Variants in PMVK observed in about 807,000 individuals in gnomAD.
PMVK encodes the protein testis tissue sperm-binding protein Li 95mP.
A neutral mutation model predicts 19.0 loss-of-function variants in PMVK; 10 were observed. That is an observed-to-expected ratio of 0.53 (90% CI 0.32 to 0.89). The LOEUF (loss-of-function observed/expected upper bound fraction) is 0.89. Among genes scored for constraint, PMVK ranks in the 40% least tolerant of loss-of-function variants. The probability of loss-of-function intolerance (pLI) is 0.03; values close to 1 mark genes in which losing one functional copy is unlikely to be tolerated. For synonymous variants in PMVK, 108 were observed against 101.6 expected, an observed-to-expected ratio of 1.06 and a Z score of -0.38; for missense variants, 222 against 251.1, an observed-to-expected ratio of 0.88 and a Z score of 0.78.
At chr1:154,940,452 A>C (rs1368410497), upstream of PMVK, among the ~76,000 whole-genome samples, 1 of 152,046 alleles carries the variant, frequency 6.6e-6, no homozygotes, top group East Asian at 1.9e-4. Flanking sequence ...CACCCCTCCC[A>C]TTTCCTACAG....
chr1:154,936,273 G>T, intron 1 of PMVK: 1 of 465,822 alleles, frequency 2.1e-6, no homozygotes, highest in Non-Finnish European at 2.8e-6. Flanking sequence ...GTAGAGGCGG[G>T]GTCTCGCCAT....
At position 154,925,080 on chromosome 1, in the gene PMVK, G is replaced by GCCCCCCCCCCCCCCCCCCC; in HGVS notation, c.*48_*49insGGGGGGGGGGGGGGGGGGG. On this transcript the variant is annotated 3_prime_UTR_variant, in exon 5 of 5. Transcript: ENST00000368467. Reference sequence around the variant, plus strand: ...GGGACACCCCCATTTTGCAGAGTCAGCCCCACCCCCACCTCAGCAGGCCCC... The same window carrying GCCCCCCCCCCCCCCCCCCC: ...GGGACACCCCCATTTTGCAGAGTCAGCCCCCCCCCCCCCCCCCCCCCCCACCCCCACCTCAGCAGGCCCC... 2 of 1,459,212 alleles carry GCCCCCCCCCCCCCCCCCCC rather than the reference G, an allele frequency of 1.4e-6. No homozygotes were observed. Among genetic ancestry groups the GCCCCCCCCCCCCCCCCCCC allele is most frequent in the Non-Finnish European group, 1.9e-6 (2 of 1,076,452 alleles). 90.4% of individuals were successfully genotyped at this position (1,459,212 alleles called of 1,614,324 possible). A position where few individuals can be genotyped will look rare whatever the true frequency, so the allele number is the denominator to read the frequency against.
At chr1:154,933,637 G>A (rs1251472345) in intron 1 of PMVK, among the ~76,000 whole-genome samples, 2 of 150,188 alleles carry the variant, frequency 1.3e-5, no homozygotes, top group African/African-American at 2.4e-5. Flanking sequence ...GGGATTACAG[G>A]CGCCCGCCAC....
chr1:154,934,042 C>T (rs1654426750), intron 1 of PMVK, among the ~76,000 whole-genome samples: 1 of 152,182 alleles, frequency 6.6e-6, no homozygotes, highest in African/African-American at 2.4e-5. Flanking sequence ...CTCTGTAGCC[C>T]AGGCTGGAAT....
At chr1:154,925,391 A>G in intron 4 of PMVK, 126 bp from the exon 5 acceptor site, 3 of 1,005,680 alleles carry the variant, frequency 3.0e-6, no homozygotes, top group Non-Finnish European at 3.0e-6. Flanking sequence ...GCCAAGGGCT[A>G]CCCACCCAGA....
chr1:154,937,097 C>T (rs1654534292), upstream of PMVK: 1 of 178,332 alleles, frequency 5.6e-6, no homozygotes, highest in African/African-American at 2.3e-5. Context: ...ACCCCATGTT[C>T]CCTTCCGCGC....
upstream of PMVK, among the ~76,000 whole-genome samples, chr1:154,938,687 T>G (rs1654582950): frequency 6.6e-6 from 1 of 152,156 alleles, no homozygotes. Flanking sequence ...AGTGGAGGCT[T>G]TAGTCTCCCA....
intron 4 of PMVK, 71 bp from the exon 5 acceptor site, chr1:154,925,336 C>T (rs1167515056): frequency 1.9e-6 from 3 of 1,554,594 alleles, no homozygotes; most frequent in African/African-American, 1.4e-5. Flanking sequence ...GCCTGCTAAC[C>T]CCAACTGGAG....
chr1:154,925,376 C>A, intron 4 of PMVK, 111 bp from the exon 5 acceptor site: 1 of 1,216,554 alleles, frequency 8.2e-7, no homozygotes, highest in South Asian at 1.3e-5. Context: ...CTCTGCTACC[C>A]TAGAGCCAAG....
At position 154,926,405 on chromosome 1, in the gene PMVK, C is replaced by G. The variant is rs151267286; in HGVS notation, c.391G>C (p.Val131Leu). Residue 131 changes from valine to leucine, a missense_variant, in exon 4 of 5, where the codon GTT becomes CTT. Coordinates refer to ENST00000368467, the MANE Select transcript of PMVK (RefSeq NM_006556.4). ...AYGAVTQTVRVVALEQSRQQR... is the reference protein window; with the variant it reads ...AYGAVTQTVRLVALEQSRQQR... ...TGTCGGCTCTGCTCCAACGCTACAA[C>G]GCGGACCGTCTGCGTCACGGCCCCA... is the stretch of plus-strand genomic sequence containing the variant. The G allele has an allele frequency of 3.1e-6, 5 of 1,613,902 alleles. No homozygotes were observed. Among genetic ancestry groups the G allele is most frequent in the Non-Finnish European group, 4.2e-6 (5 of 1,179,982 alleles).
upstream of PMVK, chr1:154,937,900 A>G (rs1240611662): frequency 6.6e-6 from 1 of 152,120 alleles, no homozygotes; most frequent in African/African-American, 2.4e-5. Context: ...AACGCCCTAG[A>G]AGGCAGCACA....
intron 2 of PMVK, 66 bp downstream of exon 2, chr1:154,932,286 G>T: frequency 8.6e-7 from 1 of 1,158,644 alleles, no homozygotes; most frequent in Non-Finnish European, 1.3e-6. Flanking sequence ...TCAGGCAGCA[G>T]CCACAGCTCC....
At position 154,925,093 on chromosome 1, in the gene PMVK, C is replaced by A; in HGVS notation, c.*36G>T. 1 of 1,530,196 alleles carries A rather than the reference C, an allele frequency of 6.5e-7. No individual in the cohort carries two copies. Among genetic ancestry groups the A allele is most frequent in the South Asian group, 1.1e-5 (1 of 88,706 alleles). 94.8% of individuals were successfully genotyped at this position (1,530,196 alleles called of 1,614,324 possible). A position where few individuals can be genotyped will look rare whatever the true frequency, so the allele number is the denominator to read the frequency against. On this transcript the variant is annotated 3_prime_UTR_variant, in exon 5 of 5. Coordinates refer to ENST00000368467, the MANE Select transcript of PMVK (RefSeq NM_006556.4). ...TTTGCAGAGTCAGCCCCACCCCCAC[C>A]TCAGCAGGCCCCAGCTCACTCCTAG...
At chr1:154,939,716 A>G (rs1558034542), upstream of PMVK, among the ~76,000 whole-genome samples, 1 of 151,608 alleles carries the variant, frequency 6.6e-6, no homozygotes, top group Non-Finnish European at 1.5e-5. Flanking sequence ...AAAAAAAAAA[A>G]AAAAAAGAAA....
chr1:154,927,126 T>G (rs1160305095), intron 3 of PMVK, among the ~76,000 whole-genome samples: 2 of 152,064 alleles, frequency 1.3e-5, no homozygotes, highest in Non-Finnish European at 2.9e-5. Flanking sequence ...TGCTCCCCTC[T>G]GCGCCCCAAC....
chr1:154,936,950 C>G, upstream of PMVK: 1 of 482,306 alleles, frequency 2.1e-6, no homozygotes, highest in Non-Finnish European at 3.8e-6. Flanking sequence ...AGCTCCCCCA[C>G]CCGAACTCAC....
intron 3 of PMVK, 49 bp from the exon 4 acceptor site, chr1:154,926,532 T>C: frequency 6.3e-7 from 1 of 1,585,416 alleles, no homozygotes; most frequent in Non-Finnish European, 8.6e-7. Context: ...ATGATAGAAG[T>C]GAGGGGAGGT....
rs74116250 is a variant in PMVK, at chr1:154,931,783, A to C, written c.159+569T>G. Among the ~76,000 whole-genome samples the C allele has an allele frequency of 3.5e-3, 501 of 144,202 alleles. 2 individuals carry two copies. The highest frequency in any genetic ancestry group is 0.013 in the African/African-American group (482 of 37,880). 94.6% of individuals were successfully genotyped at this position (144,202 alleles called of 152,430 possible). ...TTGGTATTGGCTTTTTTTTTTTTTCACTTAATGATATATTTTGACAACTTC... is the reference window on the plus strand; with the variant it reads ...TTGGTATTGGCTTTTTTTTTTTTTCCCTTAATGATATATTTTGACAACTTC... On this transcript the variant is annotated intron_variant, in intron 2 of 4. Transcript: ENST00000368467.
intron 2 of PMVK, among the ~76,000 whole-genome samples, chr1:154,931,435 T>C (rs1339223440): frequency 2.4e-4 from 37 of 152,230 alleles, no homozygotes; most frequent in Admixed American, 2.4e-3. Flanking sequence ...TTTTATTCTA[T>C]TTTAACGATT....
Sources: gnomAD v4.1 joint callset for allele counts (sites outside exome capture counted in the v4.1 genomes callset) on GRCh38, gnomAD v4.1.1 for gene constraint, MANE v1.5 for transcripts, NCBI Gene and HGNC (gene_info 2026-07-23, HGNC 2026-07-21) for gene names.